Variants in MSL1 observed in about 807,000 individuals in gnomAD.
The protein encoded by MSL1 is male-specific lethal 1 homolog.
MSL1 carries 21 observed loss-of-function variants against 64.6 expected under a neutral mutation model. That is an observed-to-expected ratio of 0.33 (90% CI 0.23 to 0.47). MSL1 has a LOEUF of 0.47. Among genes scored for constraint, MSL1 ranks in the 20% least tolerant of loss-of-function variants. MSL1 has a pLI of 1.00. For synonymous variants in MSL1, 339 were observed against 329.6 expected (o/e 1.03, Z -0.31); for missense variants, 664 against 793.2 (o/e 0.84, Z 1.96).
rs771411037 is a variant in MSL1, at chr17:40,129,275, G to A, written c.1023G>A (p.Lys341=). The A allele has an allele frequency of 1.5e-5, 23 of 1,568,916 alleles. No individual in the cohort carries two copies. Among genetic ancestry groups the A allele is most frequent in the Admixed American group, 2.1e-5 (1 of 46,620 alleles). Residue 341 remains lysine (K), a synonymous_variant, in exon 3 of 9, where the codon AAG becomes AAA. Coordinates refer to ENST00000398532, the MANE Select transcript of MSL1 (RefSeq NM_001365919.1). ...RKSPFGSTER[K]TPVKKLAPEF... is the part of the protein sequence containing the mutation. ...CCCCATTTGGAAGTACAGAAAGAAAGACTCCTGTTAAAAAGCTGGCTCCTG... is the reference window on the plus strand; with the variant it reads ...CCCCATTTGGAAGTACAGAAAGAAAAACTCCTGTTAAAAAGCTGGCTCCTG...
Position 40,134,709 on chromosome 17 carries a change from G to A in MSL1, c.*340G>A, listed in dbSNP as rs1272662565. ...AAAGGGCTCTCTTCATTAGACATGT[G>A]GAAGATGAAGCAGCCCCTTCCTTTA... On this transcript the variant is annotated 3_prime_UTR_variant, in exon 9 of 9. Transcript: ENST00000398532. 1 of 238,520 alleles carries A rather than the reference G, an allele frequency of 4.2e-6. No individual in the cohort carries two copies. The highest frequency in any genetic ancestry group is 8.3e-6 in the Non-Finnish European group (1 of 120,646). The allele number at this position is 238,520 out of a possible 1,614,324, so 14.8% of individuals were successfully genotyped here.
chr17:40,132,164 G>C, intron 5 of MSL1, 66 bp downstream of exon 5: 1 of 1,158,068 alleles, frequency 8.6e-7, no homozygotes, highest in Non-Finnish European at 1.3e-6. Flanking sequence ...GGTATAACTG[G>C]AAAATGTCAT....
intron 8 of MSL1, 87 bp from the exon 9 acceptor site, chr17:40,134,192 A>G: frequency 9.0e-7 from 1 of 1,114,972 alleles, no homozygotes. Flanking sequence ...GTGGTAAGGG[A>G]CATAGTGACT....
chr17:40,134,724 C>A lies in MSL1; in HGVS notation c.*355C>A. 1 of 226,800 alleles carries A rather than the reference C, an allele frequency of 4.4e-6. No individual in the cohort carries two copies. The highest frequency in any genetic ancestry group is 6.6e-5 in the South Asian group (1 of 15,126). 14.0% of individuals were successfully genotyped at this position (226,800 alleles called of 1,614,324 possible). A position where few individuals can be genotyped will look rare whatever the true frequency, so the allele number is the denominator to read the frequency against. On this transcript the variant is annotated 3_prime_UTR_variant, in exon 9 of 9. Coordinates refer to ENST00000398532, the MANE Select transcript of MSL1 (RefSeq NM_001365919.1). Reference sequence around the variant, plus strand: ...TTAGACATGTGGAAGATGAAGCAGCCCCTTCCTTTAGAGCTGTGCCTGCAT... The same window carrying A: ...TTAGACATGTGGAAGATGAAGCAGCACCTTCCTTTAGAGCTGTGCCTGCAT...
At position 40,122,393 on chromosome 17, in the gene MSL1, C is replaced by T. The variant is rs1988196442; in HGVS notation, c.-220C>T. ...GCAGCAGAGGCGGCGGCGAGGCCCC[C>T]ATGGGCCGGCGGCGGGCCTCAGCCG... On this transcript the variant is annotated 5_prime_UTR_variant, in exon 1 of 9. Coordinates refer to ENST00000398532, the MANE Select transcript of MSL1 (RefSeq NM_001365919.1). This position sits in a 1 kb window ranked among gnomAD's most constrained non-coding sequence, Gnocchi z 4.2. 1 of 320,942 alleles carries T rather than the reference C, an allele frequency of 3.1e-6. No individual in the cohort carries two copies. The highest frequency in any genetic ancestry group is 2.2e-5 in the African/African-American group (1 of 45,662). The allele number at this position is 320,942 out of a possible 1,614,324, so 19.9% of individuals were successfully genotyped here. A position where few individuals can be genotyped will look rare whatever the true frequency, so the allele number is the denominator to read the frequency against.
rs1452229170 is a variant in MSL1, at chr17:40,123,110, C to T, written c.498C>T (p.Ala166=). 4 of 1,530,962 alleles carry T rather than the reference C, an allele frequency of 2.6e-6. No homozygotes were observed. In the South Asian group the frequency reaches 3.6e-5, roughly 14 times the overall value. 94.8% of individuals were successfully genotyped at this position (1,530,962 alleles called of 1,614,324 possible). A position where few individuals can be genotyped will look rare whatever the true frequency, so the allele number is the denominator to read the frequency against. The stretch of plus-strand genomic sequence containing the variant: ...GGGCGGCCTCCCCCGCTGCCACCGC[C>T]TCGGACCCGGCGGGACCCCCACCAC... ...KGGAASPAAT[A]SDPAGPPPLP... Residue 166 remains alanine (A), a synonymous_variant, in exon 1 of 9, where the codon GCC becomes GCT. Coordinates refer to ENST00000398532, the MANE Select transcript of MSL1 (RefSeq NM_001365919.1).
Position 40,126,386 on chromosome 17 carries a change from G to T in MSL1, c.972G>T (p.Arg324=). ...CTCCCAAGCCCTTCTCATGTGGGCG[G>T]AGTGGAAAGGGACATAAAAGGTGTG... ...TLPPKPFSCG[R]SGKGHKRKSP... The change falls in exon 2 of 9, where the codon CGG becomes CGT. Residue 324 remains arginine, a synonymous_variant. Transcript: ENST00000398532. 2 of 1,614,024 alleles carry T rather than the reference G, an allele frequency of 1.2e-6. No homozygotes were observed. Among genetic ancestry groups the T allele is most frequent in the South Asian group, 1.1e-5 (1 of 91,082 alleles).
chr17:40,128,419 G>C (rs193075300), intron 2 of MSL1, among the ~76,000 whole-genome samples: 38 of 143,912 alleles, frequency 2.6e-4, no homozygotes, highest in Non-Finnish European at 5.1e-4. Context: ...CTGTCGCCCA[G>C]GCTGGAGTGC....
Position 40,122,830 on chromosome 17 carries a change from G to C in MSL1, c.218G>C (p.Gly73Ala). ...QGGSPAPSPA[G>A]CGGKGRGLLL... is the part of the protein sequence containing the mutation. ...GGGAGCCCCGCGCCTTCCCCGGCCGGCTGCGGCGGCAAGGGCCGGGGCTTG... is the reference window on the plus strand; with the variant it reads ...GGGAGCCCCGCGCCTTCCCCGGCCGCCTGCGGCGGCAAGGGCCGGGGCTTG... Residue 73 changes from glycine to alanine, a missense_variant, in exon 1 of 9, where the codon GGC becomes GCC. This residue lies in a region of MSL1 where 466 missense variants were observed against 499.0 expected (regional missense o/e 0.93). Coordinates refer to ENST00000398532, the MANE Select transcript of MSL1 (RefSeq NM_001365919.1). This position sits in a 1 kb window ranked among gnomAD's most constrained non-coding sequence, Gnocchi z 4.2. The C allele has an allele frequency of 1.5e-6, 2 of 1,369,126 alleles. No homozygotes were observed. The highest frequency in any genetic ancestry group is 1.9e-6 in the Non-Finnish European group (2 of 1,069,710). 84.8% of individuals were successfully genotyped at this position (1,369,126 alleles called of 1,614,324 possible).
chr17:40,126,605 G>C, intron 2 of MSL1, 199 bp downstream of exon 2: 1 of 565,064 alleles, frequency 1.8e-6, no homozygotes. Flanking sequence ...TCAAGAGATA[G>C]AGACCATCCT....
In MSL1 at chr17:40,133,091, A is replaced by T. The variant is rs763625111; in HGVS notation, c.1538A>T (p.Asp513Val). Residue 513 changes from aspartate to valine, a missense_variant, in exon 6 of 9, where the codon GAT becomes GTT. By Grantham distance (152) the Asp-to-Val change is radical. This residue lies in a region of MSL1 where 3 missense variants were observed against 31.5 expected (regional missense o/e 0.10). Coordinates refer to ENST00000398532, the MANE Select transcript of MSL1 (RefSeq NM_001365919.1). Reference protein sequence around the residue: ...FSKRHAKLELDEKRRKRWDIQ... With the variant: ...FSKRHAKLELVEKRRKRWDIQ... ...AAGCGGCATGCAAAACTGGAGCTGG[A>T]TGAGAAGAGAAGGAAAAGGTGAGGC... 1 of 1,609,908 alleles carries T rather than the reference A, an allele frequency of 6.2e-7. No homozygotes were observed. Among genetic ancestry groups the T allele is most frequent in the Non-Finnish European group, 8.5e-7 (1 of 1,178,112 alleles).
Position 40,134,973 on chromosome 17 carries a change from T to C in MSL1, c.*604T>C, listed in dbSNP as rs1208627515. The stretch of plus-strand genomic sequence containing the variant: ...TTGAAACTATTCTGTGATACAGTCA[T>C]GTGGGAAGGGATGTTTGGCTGTGAT... On this transcript the variant is annotated 3_prime_UTR_variant, in exon 9 of 9. Transcript: ENST00000398532. The C allele has an allele frequency of 6.6e-6, 1 of 152,366 alleles. No homozygotes were observed. Among genetic ancestry groups the C allele is most frequent in the Non-Finnish European group, 1.5e-5 (1 of 68,050 alleles). The allele number at this position is 152,366 out of a possible 1,614,324, so 9.4% of individuals were successfully genotyped here. A position where few individuals can be genotyped will look rare whatever the true frequency, so the allele number is the denominator to read the frequency against.
In MSL1 at chr17:40,134,414, T is replaced by C; in HGVS notation, c.*45T>C. On this transcript the variant is annotated 3_prime_UTR_variant, in exon 9 of 9. Coordinates refer to ENST00000398532, the MANE Select transcript of MSL1 (RefSeq NM_001365919.1). ...GTCTTCAGATAGTTGTAGCATGCCATTCCCGAGAGTGGCAGAGACCTGTAT... is the reference window on the plus strand; with the variant it reads ...GTCTTCAGATAGTTGTAGCATGCCACTCCCGAGAGTGGCAGAGACCTGTAT... 1.4e-6 allele frequency: 2 copies of C among 1,472,180 alleles called. No homozygotes were observed. Among genetic ancestry groups the C allele is most frequent in the Non-Finnish European group, 1.9e-6 (2 of 1,074,258 alleles). The allele number at this position is 1,472,180 out of a possible 1,614,324, so 91.2% of individuals were successfully genotyped here. A position where few individuals can be genotyped will look rare whatever the true frequency, so the allele number is the denominator to read the frequency against.
chr17:40,126,394 A>G lies in MSL1; in HGVS notation c.980A>G (p.Lys327Arg), dbSNP rs778161866. 1.9e-6 allele frequency: 3 copies of G among 1,613,888 alleles called. No homozygotes were observed. The East Asian group carries it at 6.7e-5, about 36-fold the overall frequency. Reference protein sequence around the residue: ...PKPFSCGRSGKGHKRKSPFGS... With the variant: ...PKPFSCGRSGRGHKRKSPFGS... The stretch of plus-strand genomic sequence containing the variant: ...CCCTTCTCATGTGGGCGGAGTGGAA[A>G]GGGACATAAAAGGTGTGCTGATAAC... The change falls in exon 2 of 9, where the codon AAG (lysine) becomes AGG (arginine). Residue 327 changes from lysine (K) to arginine (R), a missense_variant. Transcript: ENST00000398532.
Position 40,123,493 on chromosome 17 carries a change from C to T in MSL1, c.768+113C>T, listed in dbSNP as rs1198344386. ...CCGGGTTAGGGGTAAAGGAGGTTGG[C>T]CACCGGCAAAGGAGTATCTTAGGCG... is the stretch of plus-strand genomic sequence containing the variant. On this transcript the variant is annotated intron_variant, in intron 1 of 8. Coordinates refer to ENST00000398532, the MANE Select transcript of MSL1 (RefSeq NM_001365919.1). 30 of 1,003,862 alleles carry T rather than the reference C, an allele frequency of 3.0e-5. 1 individual carries two copies. Among genetic ancestry groups the T allele is most frequent in the South Asian group, 2.0e-4 (14 of 68,726 alleles). The allele number at this position is 1,003,862 out of a possible 1,614,324, so 62.2% of individuals were successfully genotyped here.
At chr17:40,133,803 C>T (rs766983487) in intron 7 of MSL1, 24 bp from the exon 8 acceptor site, 1 of 1,612,864 alleles carries the variant, frequency 6.2e-7, no homozygotes, top group South Asian at 1.1e-5. Flanking sequence ...TACTAATACG[C>T]TCCCGTTTGA....
In MSL1 at chr17:40,136,170, C is replaced by T. The variant is rs1988536287; in HGVS notation, c.*1801C>T. ...CTCTTGACTTTGTTCTTTGATCCCTCAGTTTCTTCTTGATTTCAGCATGTG... is the reference window on the plus strand; with the variant it reads ...CTCTTGACTTTGTTCTTTGATCCCTTAGTTTCTTCTTGATTTCAGCATGTG... On this transcript the variant is annotated 3_prime_UTR_variant, in exon 9 of 9. Transcript: ENST00000398532. 1 of 152,320 alleles carries T rather than the reference C, an allele frequency of 6.6e-6. No homozygotes were observed. Among genetic ancestry groups the T allele is most frequent in the South Asian group, 2.1e-4 (1 of 4,834 alleles). 9.4% of individuals were successfully genotyped at this position (152,320 alleles called of 1,614,324 possible).
chr17:40,133,402 C>T (rs1007491942), intron 6 of MSL1, 132 bp from the exon 7 acceptor site: 16 of 1,170,370 alleles, frequency 1.4e-5, no homozygotes, highest in Non-Finnish European at 1.8e-5. Flanking sequence ...GCAGTCATTT[C>T]TCTTTACCCT....
chr17:40,136,265 C>T lies in MSL1; in HGVS notation c.*1896C>T, dbSNP rs1567671816. ...TGTTTGTGCCCTACCCAGGGGACTC[C>T]CCAGTTTCTGACTTGAAGTAGACTG... On this transcript the variant is annotated 3_prime_UTR_variant, in exon 9 of 9. Coordinates refer to ENST00000398532, the MANE Select transcript of MSL1 (RefSeq NM_001365919.1). 6.6e-6 allele frequency: 1 copy of T among 152,240 alleles called. No homozygotes were observed. The highest frequency in any genetic ancestry group is 1.5e-5 in the Non-Finnish European group (1 of 68,024). 9.4% of individuals were successfully genotyped at this position (152,240 alleles called of 1,614,324 possible).
Sources: allele counts gnomAD v4.1 joint callset (sites outside exome capture counted in the v4.1 genomes callset), GRCh38; gene constraint gnomAD v4.1.1; regional missense constraint gnomAD v4.1.1; non-coding constraint Gnocchi (gnomAD v3.1); transcripts MANE v1.5; gene names NCBI Gene and HGNC (gene_info 2026-07-23, HGNC 2026-07-21).